Variants in SYT1 observed in about 807,000 individuals in gnomAD.
SYT1 encodes the protein synaptotagmin-1.
In SYT1, 8 loss-of-function variants were observed where a neutral mutation model predicts 44.8. The observed-to-expected ratio is 0.18, with a 90% CI of 0.10 to 0.32. The LOEUF is 0.32. Ranked by LOEUF, SYT1 falls within the 10% of genes least tolerant of loss-of-function variation. The pLI is 1.00. For synonymous variants in SYT1, 154 were observed against 188.8 expected (o/e 0.82, Z 1.51); for missense variants, 286 against 509.3 (o/e 0.56, Z 4.22).
rs551383379 is a variant in SYT1, at chr12:79,180,052, G to A, written c.-17-37451G>A. Reference sequence around the variant, plus strand: ...CATGTTATTTTATATTCTTCAAGACGTATCTTCAGGGTGAATTTCTAGAAG... The same window carrying A: ...CATGTTATTTTATATTCTTCAAGACATATCTTCAGGGTGAATTTCTAGAAG... On this transcript the variant is annotated intron_variant, in intron 3 of 10. Transcript: ENST00000261205. Among the ~76,000 whole-genome samples, 10 of 151,934 alleles carry A rather than the reference G, an allele frequency of 6.6e-5. No homozygotes were observed. In the East Asian group the frequency reaches 1.4e-3, roughly 21 times the overall value.
At chr12:79,341,923 A>T (rs1440156386) in intron 8 of SYT1, among the ~76,000 whole-genome samples, 1 of 152,014 alleles carries the variant, frequency 6.6e-6, no homozygotes, top group Admixed American at 6.6e-5. Flanking sequence ...CCGCCTCGTC[A>T]TTCAGAAAGA....
At chr12:78,884,823 T>A (rs1874645556) in intron 1 of SYT1, among the ~76,000 whole-genome samples, 1 of 151,822 alleles carries the variant, frequency 6.6e-6, no homozygotes, top group Admixed American at 6.6e-5. Context: ...AAATATGGAA[T>A]CTGTCTGAAG....
chr12:79,377,595 CT>C (rs1486133411), intron 9 of SYT1, among the ~76,000 whole-genome samples: 1 of 152,210 alleles, frequency 6.6e-6, no homozygotes, highest in African/African-American at 2.4e-5. Context: ...TATCCTTCTG[CT>C]TTCCAAGAGA....
At chr12:79,402,541 C>T (rs1885107884) in intron 9 of SYT1, among the ~76,000 whole-genome samples, 1 of 152,138 alleles carries the variant, frequency 6.6e-6, no homozygotes, top group Admixed American at 6.5e-5. Flanking sequence ...GGTGTTTCCT[C>T]TGTGCTGCAA....
At chr12:79,251,558 C>T (rs1877211267) in intron 4 of SYT1, among the ~76,000 whole-genome samples, 1 of 152,190 alleles carries the variant, frequency 6.6e-6, no homozygotes, top group South Asian at 2.1e-4. Context: ...TGAAGTTGCA[C>T]TTCTATGGAT....
At chr12:78,893,140 C>A (rs532472343) in intron 1 of SYT1, among the ~76,000 whole-genome samples, 68 of 151,848 alleles carry the variant, frequency 4.5e-4, no homozygotes, top group African/African-American at 1.5e-3. Context: ...CAAATGAAAA[C>A]CAATTCCTGG....
chr12:79,422,505 C>A (rs553745820), intron 9 of SYT1, among the ~76,000 whole-genome samples: 1 of 151,448 alleles, frequency 6.6e-6, no homozygotes, highest in South Asian at 2.1e-4. Context: ...TTTCCATAGA[C>A]TCTAACTTTT....
At chr12:78,955,220 T>C (rs989385739) in intron 1 of SYT1, among the ~76,000 whole-genome samples, 2 of 152,158 alleles carry the variant, frequency 1.3e-5, no homozygotes, top group Admixed American at 6.6e-5. Flanking sequence ...TCAGGTGATA[T>C]CTGAATGATC....
chr12:78,896,023 TGG>T (rs954173273), intron 1 of SYT1, among the ~76,000 whole-genome samples: 4 of 151,808 alleles, frequency 2.6e-5, no homozygotes, highest in African/African-American at 9.7e-5. Context: ...AATTTAAAGC[TGG>T]GTGGTGCATA....
At chr12:79,279,020 A>G (rs1592924916) in intron 4 of SYT1, among the ~76,000 whole-genome samples, 2 of 151,348 alleles carry the variant, frequency 1.3e-5, no homozygotes, top group Admixed American at 1.3e-4. Flanking sequence ...CTAAAAAAAA[A>G]AAAAAAACCT....
intron 2 of SYT1, among the ~76,000 whole-genome samples, chr12:79,042,077 T>C (rs1461321827): frequency 6.6e-6 from 1 of 150,448 alleles, no homozygotes; most frequent in Admixed American, 6.6e-5. Flanking sequence ...GATATTGGTC[T>C]AAAATTCTCT....
chr12:79,158,119 C>T (rs1277784149), intron 3 of SYT1, among the ~76,000 whole-genome samples: 2 of 152,034 alleles, frequency 1.3e-5, no homozygotes, highest in East Asian at 3.9e-4. Context: ...ATTATTATTA[C>T]ATTGTAACAT....
At chr12:79,261,859 G>C (rs1275415921) in intron 4 of SYT1, among the ~76,000 whole-genome samples, 1 of 152,050 alleles carries the variant, frequency 6.6e-6, no homozygotes. Context: ...CAAACCTCTA[G>C]CACTTTCTAG....
At chr12:79,340,340 T>G (rs140022697) in intron 8 of SYT1, among the ~76,000 whole-genome samples, 1,687 of 152,306 alleles carry the variant, frequency 0.011, 27 homozygotes, top group African/African-American at 0.036. Context: ...TCCTCTTTTA[T>G]TTCCTTGAGC....
chr12:79,174,287 A>G (rs1205382280), intron 3 of SYT1, among the ~76,000 whole-genome samples: 3 of 152,076 alleles, frequency 2.0e-5, no homozygotes, highest in Non-Finnish European at 4.4e-5. Context: ...TGTTGGTGAC[A>G]TTGATGAAGA....
At chr12:79,251,981 T>TAGA (rs1242263589) in intron 4 of SYT1, among the ~76,000 whole-genome samples, 2,947 of 129,610 alleles carry the variant, frequency 0.023, 54 homozygotes, top group African/African-American at 0.058. Context: ...AGATAGATGA[T>TAGA]TGATAGATAG....
At chr12:79,123,682 T>G (rs982812182) in intron 3 of SYT1, among the ~76,000 whole-genome samples, 4 of 152,180 alleles carry the variant, frequency 2.6e-5, no homozygotes, top group African/African-American at 4.8e-5. Flanking sequence ...CATTTTACAT[T>G]TCCTTAATTG....
chr12:78,928,912 A>G (rs993042994), intron 1 of SYT1, among the ~76,000 whole-genome samples: 1 of 152,170 alleles, frequency 6.6e-6, no homozygotes, highest in African/African-American at 2.4e-5. Flanking sequence ...TGTCTGAATC[A>G]TATTCCATTG....
chr12:79,276,682 AAAAC>A (rs1878747381), intron 4 of SYT1, among the ~76,000 whole-genome samples: 1 of 151,560 alleles, frequency 6.6e-6, no homozygotes, highest in Non-Finnish European at 1.5e-5. Context: ...CAAAAAAAAA[AAAAC>A]AAAAAAACCA....
Sources: allele counts gnomAD v4.1 joint callset (sites outside exome capture counted in the v4.1 genomes callset), GRCh38; gene constraint gnomAD v4.1.1; transcripts MANE v1.5; gene names NCBI Gene and HGNC (gene_info 2026-07-23, HGNC 2026-07-21).